MYOF: variants seen among roughly 807,000 people sequenced by gnomAD.
The protein encoded by MYOF is fer-1-like 3, myoferlin.
In MYOF, 244 loss-of-function variants were observed where a neutral mutation model predicts 284.2. The ratio of observed to expected loss-of-function variants is 0.86; its 90% CI spans 0.77 to 0.95. The LOEUF (loss-of-function observed/expected upper bound fraction) is 0.95, where lower values mean the gene tolerates loss of function less well. Ranked by LOEUF, MYOF falls within the 40% of genes least tolerant of loss-of-function variation. The pLI, the probability that MYOF is intolerant of heterozygous loss-of-function variation, is 0.00. For missense variants in MYOF, 2,496 were observed against 2,560.6 expected, an observed-to-expected ratio of 0.97 and a Z score of 0.54; for synonymous variants, 904 against 919.7, an observed-to-expected ratio of 0.98 and a Z score of 0.31.
chr10:93,369,911 C>A, intron 24 of MYOF, 135 bp from the exon 25 acceptor site: 1 of 1,123,264 alleles, frequency 8.9e-7, no homozygotes, highest in Non-Finnish European at 1.2e-6. Context: ...TCAGTTAAAA[C>A]ATTTCCAGAT....
chr10:93,322,480 CTATGATCGAGGCA>C (rs1842885569), intron 48 of MYOF, among the ~76,000 whole-genome samples: 1 of 152,134 alleles, frequency 6.6e-6, no homozygotes, highest in South Asian at 2.1e-4. Context: ...CACGCAACAT[CTATGATCGAGGCA>C]TATGATCAAG....
chr10:93,427,405 C>T (rs577644497), intron 4 of MYOF, among the ~76,000 whole-genome samples: 1 of 151,626 alleles, frequency 6.6e-6, no homozygotes, highest in South Asian at 2.1e-4. Context: ...GTGGCAGGTG[C>T]CTGTAATCCC....
intron 29 of MYOF, among the ~76,000 whole-genome samples, chr10:93,358,440 C>T (rs1589439012): frequency 6.6e-6 from 1 of 152,176 alleles, no homozygotes; most frequent in East Asian, 1.9e-4. Context: ...CCAGCAATCC[C>T]ATTACTGGGT....
intron 18 of MYOF, among the ~76,000 whole-genome samples, 164 bp from the exon 19 acceptor site, chr10:93,388,077 T>C (rs1442734954): frequency 1.3e-5 from 2 of 152,188 alleles, no homozygotes; most frequent in African/African-American, 2.4e-5. Flanking sequence ...AGGTCTCTGG[T>C]GTTTGAAAGA....
intron 48 of MYOF, among the ~76,000 whole-genome samples, chr10:93,321,179 G>A (rs796733578): frequency 5.3e-5 from 8 of 152,192 alleles, no homozygotes; most frequent in African/African-American, 1.7e-4. Flanking sequence ...CTTGCACAAG[G>A]TCACATAGCC....
intron 4 of MYOF, among the ~76,000 whole-genome samples, chr10:93,429,691 T>C (rs1848746360): frequency 2.6e-5 from 4 of 152,170 alleles, no homozygotes; most frequent in Admixed American, 6.6e-5. Flanking sequence ...TAGCTTTGCT[T>C]ACAGGGACTG....
At chr10:93,428,232 T>A (rs1303656816) in intron 4 of MYOF, among the ~76,000 whole-genome samples, 1 of 150,638 alleles carries the variant, frequency 6.6e-6, no homozygotes, top group Non-Finnish European at 1.5e-5. Context: ...AGTCTCACTC[T>A]GTTGCCCAGG....
rs747657857 is a variant in MYOF, at chr10:93,306,697, C to A, written c.*266G>T. The A allele has an allele frequency of 1.6e-4, 70 of 431,210 alleles. No homozygotes were observed. The highest frequency in any genetic ancestry group is 2.8e-4 in the Non-Finnish European group (68 of 246,478). The allele number at this position is 431,210 out of a possible 1,614,324, so 26.7% of individuals were successfully genotyped here. A position where few individuals can be genotyped will look rare whatever the true frequency, so the allele number is the denominator to read the frequency against. On this transcript the variant is annotated 3_prime_UTR_variant, in exon 54 of 54. Transcript: ENST00000359263. ...TAAAAAGATGATTTTTAAATGGAAC[C>A]AGCCACCTTGAAAAATATTTTGAAA...
chr10:93,345,649 A>G (rs1172061411), intron 37 of MYOF, among the ~76,000 whole-genome samples: 1 of 152,206 alleles, frequency 6.6e-6, no homozygotes, highest in Non-Finnish European at 1.5e-5. Flanking sequence ...ACAACTGAAC[A>G]TAAGTTCTTT....
At chr10:93,451,964 G>A (rs1371056639) in intron 3 of MYOF, 86 bp downstream of exon 3, 29 of 954,102 alleles carry the variant, frequency 3.0e-5, no homozygotes, top group Middle Eastern at 2.9e-4. Flanking sequence ...ATTATAATAC[G>A]TTATTAAAGA....
chr10:93,454,072 C>G (rs535827868), intron 2 of MYOF, among the ~76,000 whole-genome samples: 1 of 152,134 alleles, frequency 6.6e-6, no homozygotes, highest in South Asian at 2.1e-4. Flanking sequence ...ATCCCAGCTA[C>G]CTGGGAGGCT....
In MYOF at chr10:93,333,780, T is replaced by C; in HGVS notation, c.4697A>G (p.Gln1566Arg). The C allele has an allele frequency of 1.2e-6, 2 of 1,614,214 alleles. No homozygotes were observed. Among genetic ancestry groups the C allele is most frequent in the Non-Finnish European group, 1.7e-6 (2 of 1,180,030 alleles). The change falls in exon 42 of 54, where the codon CAG (glutamine) becomes CGG (arginine). Residue 1566 changes from glutamine to arginine, a missense_variant. By Grantham distance (43) the Gln-to-Arg change is conservative (BLOSUM62 1). Around this residue, in one of 3 missense-constraint regions of MYOF, gnomAD observed 2,436 missense variants for 2,480.7 expected, o/e 0.98. Transcript: ENST00000359263. ...RIYIVRGLEL[Q>R]PQDNNGLCDP... ...TACCAGGCCATTGTTGTCCTGGGGCTGGAGCTCTAAGCCTCGAACAATGTA... is the reference window on the plus strand; with the variant it reads ...TACCAGGCCATTGTTGTCCTGGGGCCGGAGCTCTAAGCCTCGAACAATGTA...
chr10:93,363,541 C>T (rs74973195), intron 27 of MYOF, among the ~76,000 whole-genome samples: 6,833 of 152,210 alleles, frequency 0.045, 364 homozygotes, highest in African/African-American at 0.13. Context: ...TGGCATGTGC[C>T]TGTAGTCCCA....
intron 43 of MYOF, among the ~76,000 whole-genome samples, chr10:93,332,507 A>G (rs1415394058): frequency 6.6e-6 from 1 of 151,132 alleles, no homozygotes; most frequent in African/African-American, 2.4e-5. Flanking sequence ...GGTGTGAGCC[A>G]TCGTGCCTGG....
chr10:93,361,083 A>G (rs1294212973), intron 28 of MYOF, among the ~76,000 whole-genome samples: 2 of 152,144 alleles, frequency 1.3e-5, no homozygotes, highest in African/African-American at 4.8e-5. Context: ...GTTCCATGGG[A>G]GACAATTTTT....
chr10:93,307,188 A>ACCCCC (rs71028899), intron 53 of MYOF, among the ~76,000 whole-genome samples, 187 bp from the exon 54 acceptor site: 67 of 112,028 alleles, frequency 6.0e-4, no homozygotes, highest in Middle Eastern at 9.2e-3. Flanking sequence ...TGCCAGTAGC[A>ACCCCC]CCCCCCCGCC....
At chr10:93,340,553 G>C (rs732865) in intron 38 of MYOF, among the ~76,000 whole-genome samples, 52,398 of 151,900 alleles carry the variant, frequency 0.34, 10,173 homozygotes, top group East Asian at 0.89. Flanking sequence ...TCTTACGTTC[G>C]TTTTAGTTCC....
At chr10:93,437,743 C>T (rs543071756) in intron 3 of MYOF, among the ~76,000 whole-genome samples, 1 of 152,288 alleles carries the variant, frequency 6.6e-6, no homozygotes, top group South Asian at 2.1e-4. Flanking sequence ...CGTGCCTTGT[C>T]ATTTTGGCAG....
At position 93,381,177 on chromosome 10, in the gene MYOF, C is replaced by G. The variant is rs147505573; in HGVS notation, c.1876+42G>C. 6.3e-4 allele frequency: 1,011 copies of G among 1,601,902 alleles called. 4 individuals are homozygous for G. In the African/African-American group the frequency reaches 0.012, roughly 19 times the overall value. ...GCTTGCTTCCGGTCCCGTGGTGCAC[C>G]CATTGTAAACGTGTGGAGAGAACTG... On this transcript the variant is annotated intron_variant, in intron 20 of 53. Transcript: ENST00000359263.
Sources: allele counts gnomAD v4.1 joint callset (sites outside exome capture counted in the v4.1 genomes callset), GRCh38; gene constraint gnomAD v4.1.1; regional missense constraint gnomAD v4.1.1; transcripts MANE v1.5; gene names NCBI Gene and HGNC (gene_info 2026-07-23, HGNC 2026-07-21).